PTPRT: variants seen among roughly 807,000 people sequenced by gnomAD.
PTPRT encodes the protein receptor-type tyrosine-protein phosphatase T.
A neutral mutation model predicts 176.8 loss-of-function variants in PTPRT; 56 were observed. That is an observed-to-expected ratio of 0.32 (90% CI 0.26 to 0.40). The LOEUF is 0.40. PTPRT is among the 10% of genes least tolerant of loss of function. The pLI, the probability that PTPRT is intolerant of heterozygous loss-of-function variation, is 1.00. For synonymous variants in PTPRT, 783 were observed against 739.0 expected (o/e 1.06, Z -0.96); for missense variants, 1,540 against 1,908.2 (o/e 0.81, Z 3.60).
intron 13 of PTPRT, among the ~76,000 whole-genome samples, chr20:42,271,415 T>C (rs1304796299): frequency 1.3e-5 from 2 of 152,200 alleles, no homozygotes; most frequent in Non-Finnish European, 2.9e-5. Context: ...CAGATGCCCC[T>C]TCTTGTCTTC....
At chr20:42,831,838 C>T (rs1294404989) in intron 2 of PTPRT, among the ~76,000 whole-genome samples, 3 of 152,304 alleles carry the variant, frequency 2.0e-5, no homozygotes, top group East Asian at 3.9e-4. Flanking sequence ...TACCATCTCA[C>T]ACCAGTAAGA....
At chr20:42,178,569 C>T (rs1398099778) in intron 16 of PTPRT, among the ~76,000 whole-genome samples, 3 of 152,150 alleles carry the variant, frequency 2.0e-5, no homozygotes, top group Non-Finnish European at 4.4e-5. Flanking sequence ...TGACAAACTA[C>T]CCCCAACCAC....
chr20:42,161,263 C>A (rs1989582855), intron 17 of PTPRT, 89 bp downstream of exon 17: 5 of 1,483,904 alleles, frequency 3.4e-6, no homozygotes, highest in Middle Eastern at 1.7e-4. Context: ...GGCTGCTGGC[C>A]AGGGAGCCAT....
intron 6 of PTPRT, among the ~76,000 whole-genome samples, chr20:42,748,800 A>C (rs1190372569): frequency 1.3e-5 from 2 of 152,040 alleles, no homozygotes; most frequent in Non-Finnish European, 2.9e-5. Flanking sequence ...GGAGGGGGTT[A>C]AGGTACAAAT....
At chr20:42,457,709 G>A (rs991467059) in intron 8 of PTPRT, among the ~76,000 whole-genome samples, 3 of 152,194 alleles carry the variant, frequency 2.0e-5, no homozygotes, top group Non-Finnish European at 4.4e-5. Context: ...GGCAGTTAAG[G>A]AAGGGAAATA....
intron 1 of PTPRT, among the ~76,000 whole-genome samples, chr20:43,097,170 A>C (rs944116827): frequency 6.6e-6 from 1 of 152,176 alleles, no homozygotes; most frequent in Non-Finnish European, 1.5e-5. Flanking sequence ...GGAGCCAGGA[A>C]GTGGAAGTAT....
chr20:42,307,318 T>C (rs2145337137), intron 12 of PTPRT, among the ~76,000 whole-genome samples: 1 of 152,330 alleles, frequency 6.6e-6, no homozygotes, highest in South Asian at 2.1e-4. Context: ...ATGGACATTC[T>C]GTTGGCCTGA....
intron 3 of PTPRT, among the ~76,000 whole-genome samples, chr20:42,781,417 G>A (rs921432878): frequency 3.3e-5 from 5 of 152,094 alleles, no homozygotes; most frequent in African/African-American, 1.2e-4. Flanking sequence ...TTTACCCACT[G>A]ACTTGATATC....
At chr20:42,054,531 G>A in the PTPRT span, among the ~76,000 whole-genome samples, 1 of 152,190 alleles carries the variant, frequency 6.6e-6, no homozygotes, top group Non-Finnish European at 1.5e-5. Context: ...TTTGAATTGT[G>A]CTCTCTGGAA....
At chr20:42,206,353 C>T (rs2146710244) in intron 15 of PTPRT, among the ~76,000 whole-genome samples, 1 of 152,332 alleles carries the variant, frequency 6.6e-6, no homozygotes, top group South Asian at 2.1e-4. Flanking sequence ...GTGATTTCTG[C>T]ATTTCCATCT....
chr20:42,888,909 T>TA (rs922168504), intron 1 of PTPRT, among the ~76,000 whole-genome samples: 9 of 152,136 alleles, frequency 5.9e-5, no homozygotes, highest in South Asian at 2.1e-4. Flanking sequence ...GTGTTGATGC[T>TA]AAAAAAAACA....
chr20:42,456,735 C>T (rs924610405), intron 8 of PTPRT, among the ~76,000 whole-genome samples: 2 of 152,100 alleles, frequency 1.3e-5, no homozygotes, highest in Middle Eastern at 3.4e-3. Flanking sequence ...AGATCATTTG[C>T]TAATATTTTG....
intron 1 of PTPRT, among the ~76,000 whole-genome samples, chr20:42,989,935 C>T (rs1163558022): frequency 6.6e-6 from 1 of 152,172 alleles, no homozygotes; most frequent in East Asian, 1.9e-4. Flanking sequence ...CACCACAGCC[C>T]TTGTGGAGAT....
chr20:42,265,571 C>A (rs2056825835), intron 13 of PTPRT, among the ~76,000 whole-genome samples: 1 of 152,154 alleles, frequency 6.6e-6, no homozygotes, highest in South Asian at 2.1e-4. Flanking sequence ...ACAGGCTGTG[C>A]CCCTGCCTCT....
chr20:42,553,976 G>C (rs2072815335), intron 7 of PTPRT, among the ~76,000 whole-genome samples: 1 of 152,110 alleles, frequency 6.6e-6, no homozygotes, highest in Admixed American at 6.5e-5. Context: ...GGACAGCAGA[G>C]TAGAAAATGT....
At chr20:43,026,729 C>G (rs974988001) in intron 1 of PTPRT, among the ~76,000 whole-genome samples, 8 of 152,158 alleles carry the variant, frequency 5.3e-5, no homozygotes, top group African/African-American at 1.9e-4. Context: ...CAACCCCTTC[C>G]ACACCCTCAC....
chr20:42,033,214 G>C, the PTPRT span, among the ~76,000 whole-genome samples: 2 of 152,308 alleles, frequency 1.3e-5, no homozygotes, highest in Admixed American at 1.3e-4. Flanking sequence ...ATATAGGAAG[G>C]CGAAGAGTCT....
chr20:42,756,727 C>T, intron 5 of PTPRT, 91 bp from the exon 6 acceptor site: 2 of 1,159,586 alleles, frequency 1.7e-6, no homozygotes, highest in South Asian at 3.5e-5. Flanking sequence ...CATCCTCACA[C>T]CCCTGGGGCT....
intron 2 of PTPRT, among the ~76,000 whole-genome samples, chr20:42,796,133 A>G (rs2077450503): frequency 6.6e-6 from 1 of 152,204 alleles, no homozygotes; most frequent in African/African-American, 2.4e-5. Flanking sequence ...ACTCAAACCA[A>G]TTATTCCTTC....
Sources: gnomAD v4.1 joint callset for allele counts (sites outside exome capture counted in the v4.1 genomes callset) on GRCh38, gnomAD v4.1.1 for gene constraint, MANE v1.5 for transcripts, NCBI Gene and HGNC (gene_info 2026-07-23, HGNC 2026-07-21) for gene names.